Variants in CDK5RAP2 observed in about 807,000 individuals in gnomAD.
CDK5RAP2 encodes the protein CDK5 regulatory subunit-associated protein 2.
In CDK5RAP2, 147 loss-of-function variants were observed where a neutral mutation model predicts 232.9. That is an observed-to-expected ratio of 0.63 (90% CI 0.55 to 0.72). The LOEUF is 0.72. Ranked by LOEUF, CDK5RAP2 falls within the 30% of genes least tolerant of loss-of-function variation. CDK5RAP2 has a pLI of 0.00. For missense variants in CDK5RAP2, 2,195 were observed against 2,231.5 expected (o/e 0.98, Z 0.33); for synonymous variants, 833 against 833.7 (o/e 1.00, Z 0.01).
chr9:120,543,165 G>A (rs948140322), intron 5 of CDK5RAP2, among the ~76,000 whole-genome samples: 1 of 152,170 alleles, frequency 6.6e-6, no homozygotes, highest in South Asian at 2.1e-4. Context: ...ACCAAAGCCT[G>A]TTGATTCTGC....
intron 27 of CDK5RAP2, among the ~76,000 whole-genome samples, chr9:120,418,417 T>C (rs1386053829): frequency 1.3e-5 from 2 of 152,216 alleles, no homozygotes; most frequent in Non-Finnish European, 2.9e-5. Context: ...AGTTCCCGTT[T>C]AAATAATTTG....
intron 4 of CDK5RAP2, among the ~76,000 whole-genome samples, chr9:120,546,621 T>G (rs981492295): frequency 6.6e-6 from 1 of 151,576 alleles, no homozygotes; most frequent in Admixed American, 6.6e-5. Context: ...TCCCTTTTGT[T>G]TTTTTGTTTT....
intron 13 of CDK5RAP2, among the ~76,000 whole-genome samples, chr9:120,490,562 C>T (rs903956857): frequency 1.3e-5 from 2 of 152,244 alleles, no homozygotes; most frequent in African/African-American, 4.8e-5. Context: ...CATAAACCAG[C>T]TTGCTTCTTG....
At chr9:120,522,305 G>A (rs1441357810) in intron 11 of CDK5RAP2, among the ~76,000 whole-genome samples, 1 of 152,050 alleles carries the variant, frequency 6.6e-6, no homozygotes, top group Non-Finnish European at 1.5e-5. Flanking sequence ...GAATATAAAG[G>A]ATGTATATGT....
intron 9 of CDK5RAP2, 141 bp from the exon 10 acceptor site, chr9:120,528,066 T>A: frequency 8.4e-7 from 1 of 1,190,074 alleles, no homozygotes; most frequent in Non-Finnish European, 1.2e-6. Flanking sequence ...CAAGTGGAGC[T>A]GAACATAGTG....
Position 120,447,861 on chromosome 9 carries a change from A to G in CDK5RAP2, c.3025+34T>C, listed in dbSNP as rs560497440. ...AGCAGTTCTATCGAGCCGTTTGTCT[A>G]GCTCACAGGGAATACATTTTTCTTG... On this transcript the variant is annotated intron_variant, in intron 22 of 37. Transcript: ENST00000349780. 4.1e-6 allele frequency: 6 copies of G among 1,469,798 alleles called. No homozygotes were observed. The Admixed American group carries it at 1.0e-4, about 25-fold the overall frequency. 91.0% of individuals were successfully genotyped at this position (1,469,798 alleles called of 1,614,324 possible). A position where few individuals can be genotyped will look rare whatever the true frequency, so the allele number is the denominator to read the frequency against.
At chr9:120,433,774 A>G (rs899775626) in intron 25 of CDK5RAP2, among the ~76,000 whole-genome samples, 4 of 152,234 alleles carry the variant, frequency 2.6e-5, no homozygotes, top group African/African-American at 4.8e-5. Flanking sequence ...GACCTGATTT[A>G]AAATCCCAGC....
At position 120,527,867 on chromosome 9, in the gene CDK5RAP2, C is replaced by T; in HGVS notation, c.938G>A (p.Ser313Asn). The stretch of plus-strand genomic sequence containing the variant: ...CTGAATGGCTTTATCCCTCTTTAGA[C>T]TATTTTTCTTCTCTGTAGCAATTTC... ...EREIATEKKN[S>N]LKRDKAIQGL... Residue 313 changes from serine to asparagine, a missense_variant, in exon 10 of 38, where the codon AGT (serine) becomes AAT (asparagine). Ser to Asn is a conservative substitution (Grantham distance 46, BLOSUM62 1). Coordinates refer to ENST00000349780, the MANE Select transcript of CDK5RAP2 (RefSeq NM_018249.6). 4 of 1,613,804 alleles carry T rather than the reference C, an allele frequency of 2.5e-6. No homozygotes were observed. Among genetic ancestry groups the T allele is most frequent in the Non-Finnish European group, 3.4e-6 (4 of 1,179,860 alleles).
At chr9:120,522,156 C>G (rs1235081583) in intron 11 of CDK5RAP2, among the ~76,000 whole-genome samples, 1 of 152,166 alleles carries the variant, frequency 6.6e-6, no homozygotes. Flanking sequence ...TATGCACACA[C>G]CCCCATACAT....
intron 25 of CDK5RAP2, among the ~76,000 whole-genome samples, chr9:120,425,303 G>C (rs150871190): frequency 6.8e-4 from 104 of 152,246 alleles, no homozygotes; most frequent in African/African-American, 2.4e-3. Flanking sequence ...AGTTACTGTA[G>C]GATTCACAGG....
At chr9:120,578,704 C>G (rs1398428754) in intron 1 of CDK5RAP2, among the ~76,000 whole-genome samples, 1 of 151,942 alleles carries the variant, frequency 6.6e-6, no homozygotes, top group African/African-American at 2.4e-5. Flanking sequence ...GCGGCTGGGA[C>G]TACAAGTGCA....
chr9:120,556,718 C>T (rs896525296), intron 3 of CDK5RAP2, among the ~76,000 whole-genome samples: 1 of 152,132 alleles, frequency 6.6e-6, no homozygotes, highest in African/African-American at 2.4e-5. Context: ...TGTGACCCAC[C>T]ACACCCGGCC....
At chr9:120,579,783 C>G (rs765252764) in intron 1 of CDK5RAP2, 137 bp downstream of exon 1, 3 of 691,870 alleles carry the variant, frequency 4.3e-6, no homozygotes, top group Non-Finnish European at 7.7e-6. Flanking sequence ...CCCAGAGACC[C>G]TCTCCGAAGG....
rs777148826 is a variant in CDK5RAP2, at chr9:120,524,983, T to TA, written c.1092+2dup. 31 of 1,610,246 alleles carry TA rather than the reference T, an allele frequency of 1.9e-5. No individual in the cohort carries two copies. Among genetic ancestry groups the TA allele is most frequent in the Non-Finnish European group, 2.4e-5 (28 of 1,176,596 alleles). Reference sequence around the variant, plus strand: ...CAGCCACTTAAGCCAAGTGTACACTTACCTGAAATTCCTGGGTCTGTGCTT... The same window carrying TA: ...CAGCCACTTAAGCCAAGTGTACACTTAACCTGAAATTCCTGGGTCTGTGCTT... On this transcript the variant is annotated splice_region_variant and intron_variant, in intron 11 of 37. Transcript: ENST00000349780.
chr9:120,579,854 T>C (rs968420491), intron 1 of CDK5RAP2, 66 bp downstream of exon 1: 4 of 1,333,410 alleles, frequency 3.0e-6, no homozygotes, highest in South Asian at 1.2e-5. Flanking sequence ...AAGGCCGCGT[T>C]AGAACGAAAT....
At chr9:120,429,298 A>AG (rs2035127577) in intron 25 of CDK5RAP2, among the ~76,000 whole-genome samples, 1 of 151,682 alleles carries the variant, frequency 6.6e-6, no homozygotes, top group Non-Finnish European at 1.5e-5. Flanking sequence ...GTATTCAATT[A>AG]GGAAAAGAGG....
intron 13 of CDK5RAP2, among the ~76,000 whole-genome samples, chr9:120,490,204 A>G (rs2038828437): frequency 6.6e-6 from 1 of 152,228 alleles, no homozygotes; most frequent in Non-Finnish European, 1.5e-5. Context: ...GAGTGTGGAA[A>G]GGACCTGTCA....
At chr9:120,434,062 G>A (rs1376835910) in intron 25 of CDK5RAP2, among the ~76,000 whole-genome samples, 3 of 152,192 alleles carry the variant, frequency 2.0e-5, no homozygotes, top group East Asian at 3.8e-4. Flanking sequence ...AGATGGTTAC[G>A]GGTAGTAAAC....
chr9:120,540,773 T>C (rs1210272933), intron 5 of CDK5RAP2, among the ~76,000 whole-genome samples: 2 of 152,220 alleles, frequency 1.3e-5, no homozygotes, highest in Non-Finnish European at 2.9e-5. Flanking sequence ...ATTAATGTGC[T>C]CACACACGTC....
Sources: gnomAD v4.1 joint callset for allele counts (sites outside exome capture counted in the v4.1 genomes callset) on GRCh38, gnomAD v4.1.1 for gene constraint, MANE v1.5 for transcripts, NCBI Gene and HGNC (gene_info 2026-07-23, HGNC 2026-07-21) for gene names.